The following SH3RF3 variants were observed in gnomAD, a reference collection of about 807,000 sequenced individuals.
The protein encoded by SH3RF3 is E3 ubiquitin-protein ligase SH3RF3.
A neutral mutation model predicts 66.3 loss-of-function variants in SH3RF3; 29 were observed. The observed-to-expected ratio is 0.44, with a 90% CI of 0.33 to 0.60. SH3RF3 has a LOEUF of 0.60. Among genes scored for constraint, SH3RF3 ranks in the 20% least tolerant of loss-of-function variants. The pLI is 0.04. For synonymous variants in SH3RF3, 583 were observed against 532.0 expected (o/e 1.10, Z -1.32); for missense variants, 1,194 against 1,190.9 (o/e 1.00, Z -0.04).
intron 1 of SH3RF3, among the ~76,000 whole-genome samples, chr2:109,217,305 G>GA (rs138158569): frequency 0.018 from 2,810 of 152,284 alleles, 105 homozygotes; most frequent in African/African-American, 0.063. Flanking sequence ...AGAGTCCTTG[G>GA]AGAACCTTGG....
intron 7 of SH3RF3, among the ~76,000 whole-genome samples, chr2:109,442,171 C>A (rs1259851696): frequency 6.6e-6 from 1 of 151,886 alleles, no homozygotes; most frequent in Non-Finnish European, 1.5e-5. Context: ...ATTAGCCAGG[C>A]GTGTTGGCGG....
intron 8 of SH3RF3, among the ~76,000 whole-genome samples, chr2:109,489,666 G>A (rs1325102315): frequency 1.3e-5 from 2 of 150,550 alleles, no homozygotes; most frequent in East Asian, 2.0e-4. Context: ...TGGGGGCCTC[G>A]GGGCCTATTT....
At chr2:109,234,301 A>G (rs1679591318) in intron 1 of SH3RF3, among the ~76,000 whole-genome samples, 1 of 152,238 alleles carries the variant, frequency 6.6e-6, no homozygotes, top group South Asian at 2.1e-4. Context: ...CAGTTCATAT[A>G]GGAAAACTTT....
intron 1 of SH3RF3, among the ~76,000 whole-genome samples, chr2:109,197,547 T>C (rs1678535653): frequency 6.6e-6 from 1 of 152,256 alleles, no homozygotes; most frequent in Non-Finnish European, 1.5e-5. Context: ...CCACCCTTGA[T>C]GCAGGTGGCC....
intron 1 of SH3RF3, among the ~76,000 whole-genome samples, chr2:109,212,392 C>G (rs1238293782): frequency 6.6e-6 from 1 of 152,102 alleles, no homozygotes; most frequent in Admixed American, 6.6e-5. Flanking sequence ...ACTATAAATC[C>G]CAACTTGGAC....
At chr2:109,491,707 C>G (rs1679135001) in intron 9 of SH3RF3, among the ~76,000 whole-genome samples, 1 of 152,168 alleles carries the variant, frequency 6.6e-6, no homozygotes, top group Non-Finnish European at 1.5e-5. Context: ...CAGAGAGATA[C>G]GATGGCTGTC....
intron 1 of SH3RF3, among the ~76,000 whole-genome samples, chr2:109,179,599 G>A (rs1313383406): frequency 1.3e-5 from 2 of 152,202 alleles, no homozygotes; most frequent in Admixed American, 6.5e-5. Flanking sequence ...TATCCTTCCT[G>A]CTGTGTTGTA....
At chr2:109,336,027 CCCATCAGGAAA>C (rs1307182211) in intron 1 of SH3RF3, among the ~76,000 whole-genome samples, 1 of 152,164 alleles carries the variant, frequency 6.6e-6, no homozygotes, top group Non-Finnish European at 1.5e-5. Context: ...ACATCTGGAA[CCCATCAGGAAA>C]AGCTTTAGCG....
intron 1 of SH3RF3, among the ~76,000 whole-genome samples, chr2:109,326,128 T>C (rs959093606): frequency 6.6e-6 from 1 of 152,228 alleles, no homozygotes; most frequent in African/African-American, 2.4e-5. Flanking sequence ...TATGTGGGTC[T>C]ACATTGTTTA....
intron 1 of SH3RF3, among the ~76,000 whole-genome samples, chr2:109,221,445 T>C (rs796866916): frequency 5.3e-5 from 8 of 152,246 alleles, no homozygotes; most frequent in African/African-American, 1.9e-4. Flanking sequence ...TAGCCAAGTG[T>C]GGTGGTGCAC....
intron 1 of SH3RF3, among the ~76,000 whole-genome samples, chr2:109,265,126 G>A (rs941772230): frequency 6.6e-6 from 1 of 152,144 alleles, no homozygotes; most frequent in African/African-American, 2.4e-5. Flanking sequence ...AAATAGGATG[G>A]TGTGTGTTTT....
chr2:109,136,457 G>T (rs1276840749), intron 1 of SH3RF3, among the ~76,000 whole-genome samples: 1 of 152,182 alleles, frequency 6.6e-6, no homozygotes, highest in East Asian at 1.9e-4. Flanking sequence ...TACAGATCAT[G>T]CAGGCACCCC....
chr2:109,366,586 T>C (rs1574600376), intron 2 of SH3RF3, among the ~76,000 whole-genome samples: 1 of 152,354 alleles, frequency 6.6e-6, no homozygotes, highest in East Asian at 1.9e-4. Flanking sequence ...TGGTGGTTCA[T>C]GCCTGTAATC....
intron 1 of SH3RF3, among the ~76,000 whole-genome samples, chr2:109,184,959 T>C (rs1313005588): frequency 6.6e-6 from 1 of 152,110 alleles, no homozygotes; most frequent in Non-Finnish European, 1.5e-5. Flanking sequence ...ACCTGAAAAA[T>C]ATGAAAAGAA....
At chr2:109,331,175 C>T (rs1682273806) in intron 1 of SH3RF3, among the ~76,000 whole-genome samples, 1 of 152,156 alleles carries the variant, frequency 6.6e-6, no homozygotes, top group Non-Finnish European at 1.5e-5. Flanking sequence ...GATCTGTTCC[C>T]TGGAGCATGG....
intron 4 of SH3RF3, among the ~76,000 whole-genome samples, chr2:109,406,731 C>T (rs1393153723): frequency 6.6e-6 from 1 of 152,202 alleles, no homozygotes; most frequent in Non-Finnish European, 1.5e-5. Flanking sequence ...GAGCCCATTA[C>T]AGAAAATGCC....
intron 1 of SH3RF3, among the ~76,000 whole-genome samples, chr2:109,179,003 A>ATGTGTGTGTGGGTG: frequency 7.0e-6 from 1 of 142,066 alleles, no homozygotes; most frequent in Non-Finnish European, 1.6e-5. Context: ...AAGTATAATA[A>ATGTGTGTGTGGGTG]TGTGTGTGTG....
At chr2:109,346,198 C>T (rs752707612) in intron 1 of SH3RF3, among the ~76,000 whole-genome samples, 12 of 151,696 alleles carry the variant, frequency 7.9e-5, no homozygotes, top group East Asian at 1.9e-4. Context: ...TTTTTCTCTT[C>T]GAGTTCTGCA....
At chr2:109,316,851 T>C (rs1486022881) in intron 1 of SH3RF3, among the ~76,000 whole-genome samples, 1 of 152,220 alleles carries the variant, frequency 6.6e-6, no homozygotes, top group African/African-American at 2.4e-5. Flanking sequence ...CTTTGTACTG[T>C]CGCTGTAGTT....
Sources: gnomAD v4.1 joint callset for allele counts (sites outside exome capture counted in the v4.1 genomes callset) on GRCh38, gnomAD v4.1.1 for gene constraint, MANE v1.5 for transcripts, NCBI Gene and HGNC (gene_info 2026-07-23, HGNC 2026-07-21) for gene names.